FAM200B: variants seen among roughly 807,000 people sequenced by gnomAD.
The protein encoded by FAM200B is protein FAM200B.
FAM200B carries 32 observed loss-of-function variants against 33.1 expected under a neutral mutation model. That is an observed-to-expected ratio of 0.97 (90% CI 0.73 to 1.30). The LOEUF (loss-of-function observed/expected upper bound fraction) is 1.30. Among genes scored for constraint, FAM200B ranks in the 50% most tolerant of loss-of-function variants. The pLI, the probability that FAM200B is intolerant of heterozygous loss-of-function variation, is 0.00. For missense variants in FAM200B, 741 were observed against 754.0 expected (o/e 0.98, Z 0.20); for synonymous variants, 240 against 264.8 (o/e 0.91, Z 0.91).
chr4:15,640,344 C>A, the FAM200B span, among the ~76,000 whole-genome samples: 1 of 123,798 alleles, frequency 8.1e-6, no homozygotes. Context: ...CATGCCCAGC[C>A]AAGACTAATA....
chr4:15,646,543 T>A, the FAM200B span, among the ~76,000 whole-genome samples: 1 of 151,866 alleles, frequency 6.6e-6, no homozygotes, highest in Non-Finnish European at 1.5e-5. Context: ...TGCTAAATAT[T>A]TTTTATTATT....
At chr4:15,655,044 G>A in the FAM200B span, among the ~76,000 whole-genome samples, 1 of 150,904 alleles carries the variant, frequency 6.6e-6, no homozygotes, top group Non-Finnish European at 1.5e-5. Flanking sequence ...CGGGCGGGCA[G>A]GCTGCGGGAG....
In FAM200B at chr4:15,687,525, T is replaced by C. The variant is rs1367358890; in HGVS notation, c.548T>C (p.Phe183Ser). The change falls in exon 2 of 2, where the codon TTT (phenylalanine) becomes TCT (serine). Residue 183 changes from phenylalanine (F) to serine (S), a missense_variant. Physicochemically the swap from Phe to Ser is radical, Grantham distance 155. Coordinates refer to ENST00000422728, the MANE Select transcript of FAM200B (RefSeq NM_001145191.2). Reference sequence around the variant, plus strand: ...TGTTTGGATATGGTGCGTACAATATTTGATGATAAATCAGCTGATAAATTA... The same window carrying C: ...TGTTTGGATATGGTGCGTACAATATCTGATGATAAATCAGCTGATAAATTA... ...PACLDMVRTI[F>S]DDKSADKLKT... The C allele has an allele frequency of 9.0e-6, 14 of 1,550,670 alleles. No homozygotes were observed. The highest frequency in any genetic ancestry group is 1.2e-5 in the Non-Finnish European group (14 of 1,146,622).
the FAM200B span, among the ~76,000 whole-genome samples, chr4:15,658,395 A>T: frequency 6.6e-6 from 1 of 152,250 alleles, no homozygotes; most frequent in Non-Finnish European, 1.5e-5. Flanking sequence ...GCTGAAACTT[A>T]ATCCCCAATA....
chr4:15,675,834 C>T, the FAM200B span, among the ~76,000 whole-genome samples: 2 of 152,078 alleles, frequency 1.3e-5, no homozygotes, highest in African/African-American at 2.4e-5. Flanking sequence ...CCGCCTGCCT[C>T]GGCCTCCCAA....
At chr4:15,644,763 T>C in the FAM200B span, 1 of 1,284,650 alleles carries the variant, frequency 7.8e-7, no homozygotes, top group Non-Finnish European at 1.1e-6. Context: ...TATGCACAAA[T>C]AAAAAATATT....
the FAM200B span, among the ~76,000 whole-genome samples, chr4:15,641,901 C>T: frequency 5.3e-4 from 81 of 152,082 alleles, no homozygotes; most frequent in Admixed American, 2.9e-3. Flanking sequence ...ATGATGGGCA[C>T]CTGTAATCCC....
chr4:15,674,535 CT>C, the FAM200B span, among the ~76,000 whole-genome samples: 1 of 152,038 alleles, frequency 6.6e-6, no homozygotes, highest in Admixed American at 6.5e-5. Context: ...GTAATCATAA[CT>C]TTTTTCCTTA....
In FAM200B at chr4:15,688,883, C is replaced by T. The variant is rs888205121; in HGVS notation, c.1906C>T (p.Arg636Trp). ...RNGLNCAAVM[R>W]VALSSCVPDW... ...TGGGCTGAATTGTGCAGCAGTTATG[C>T]GGGTAGCATTATCTTCCTGTGTTCC... is the stretch of plus-strand genomic sequence containing the variant. Residue 636 changes from arginine to tryptophan, a missense_variant, in exon 2 of 2, where the codon CGG (arginine) becomes TGG (tryptophan). Arg to Trp is a moderately radical substitution (Grantham distance 101). Coordinates refer to ENST00000422728, the MANE Select transcript of FAM200B (RefSeq NM_001145191.2). 21 of 1,549,614 alleles carry T rather than the reference C, an allele frequency of 1.4e-5. No homozygotes were observed. The highest frequency in any genetic ancestry group is 3.6e-5 in the South Asian group (3 of 83,716).
At chr4:15,670,639 C>T in the FAM200B span, among the ~76,000 whole-genome samples, 1 of 151,920 alleles carries the variant, frequency 6.6e-6, no homozygotes, top group Admixed American at 6.6e-5. Context: ...CTGGGCCCCT[C>T]CCCCCACAAA....
the FAM200B span, among the ~76,000 whole-genome samples, chr4:15,660,328 C>T: frequency 6.6e-6 from 1 of 152,122 alleles, no homozygotes; most frequent in Non-Finnish European, 1.5e-5. Context: ...AGCAATCCTC[C>T]CACATGGCCT....
At chr4:15,657,141 A>T in the FAM200B span, among the ~76,000 whole-genome samples, 1 of 152,110 alleles carries the variant, frequency 6.6e-6, no homozygotes, top group Admixed American at 6.5e-5. Flanking sequence ...TTTTTTAATA[A>T]CCTCCAGAGA....
chr4:15,647,848 C>T, the FAM200B span, among the ~76,000 whole-genome samples: 2 of 152,152 alleles, frequency 1.3e-5, no homozygotes, highest in African/African-American at 4.8e-5. Context: ...AACTACTTCA[C>T]AGAGTTCTTG....
the FAM200B span, among the ~76,000 whole-genome samples, chr4:15,673,675 C>T: frequency 6.6e-6 from 1 of 152,306 alleles, no homozygotes; most frequent in Middle Eastern, 3.4e-3. Context: ...CATTTCCTCA[C>T]ATGCATACAG....
At chr4:15,644,343 T>C in the FAM200B span, 1 of 658,824 alleles carries the variant, frequency 1.5e-6, no homozygotes, top group Admixed American at 2.9e-5. Flanking sequence ...TAGTTCTTTT[T>C]AAATAGTCTT....
the FAM200B span, among the ~76,000 whole-genome samples, chr4:15,670,693 A>G: frequency 7.8e-6 from 1 of 128,888 alleles, no homozygotes; most frequent in Admixed American, 8.3e-5. Context: ...GTTTTCTTTT[A>G]TAACCCTTGA....
chr4:15,683,034 CAGA>C (rs981112289), intron 1 of FAM200B, among the ~76,000 whole-genome samples: 15 of 152,268 alleles, frequency 9.9e-5, no homozygotes, highest in South Asian at 4.1e-4. Flanking sequence ...GCTGTATTTT[CAGA>C]AGATGATACA....
the FAM200B span, chr4:15,656,459 C>A: frequency 6.7e-4 from 237 of 352,950 alleles, no homozygotes; most frequent in East Asian, 0.015. Flanking sequence ...CTGTGTTCAC[C>A]CTTGTTCTCT....
chr4:15,652,358 G>A, the FAM200B span, among the ~76,000 whole-genome samples: 2 of 152,134 alleles, frequency 1.3e-5, no homozygotes. Context: ...TCTACCACTA[G>A]CTGCTTATGT....
Sources: allele counts gnomAD v4.1 joint callset (sites outside exome capture counted in the v4.1 genomes callset), GRCh38; gene constraint gnomAD v4.1.1; transcripts MANE v1.5; gene names NCBI Gene and HGNC (gene_info 2026-07-23, HGNC 2026-07-21).